Variants in ATRNL1 observed in about 807,000 individuals in gnomAD.
ATRNL1 encodes the protein attractin-like protein 1.
A neutral mutation model predicts 182.7 loss-of-function variants in ATRNL1; 95 were observed. The observed-to-expected ratio is 0.52, with a 90% confidence interval of 0.44 to 0.62. ATRNL1 has a LOEUF of 0.62. ATRNL1 is among the 20% of genes least tolerant of loss of function. The probability of loss-of-function intolerance (pLI) is 0.00; values close to 1 mark genes in which losing one functional copy is unlikely to be tolerated. For missense variants in ATRNL1, 1,471 were observed against 1,679.5 expected, an observed-to-expected ratio of 0.88 and a Z score of 2.17; for synonymous variants, 576 against 568.3, an observed-to-expected ratio of 1.01 and a Z score of -0.19.
intron 24 of ATRNL1, among the ~76,000 whole-genome samples, chr10:115,512,834 G>A (rs928076071): frequency 1.3e-5 from 2 of 151,776 alleles, no homozygotes; most frequent in Non-Finnish European, 2.9e-5. Context: ...AATATTTACG[G>A]TGAGACCTAC....
chr10:115,649,762 T>C (rs528323489), intron 26 of ATRNL1, among the ~76,000 whole-genome samples: 1 of 152,260 alleles, frequency 6.6e-6, no homozygotes, highest in Admixed American at 6.5e-5. Flanking sequence ...TCATAATAAC[T>C]TCAGGAATAA....
At chr10:115,603,834 C>G (rs571183960) in intron 26 of ATRNL1, among the ~76,000 whole-genome samples, 2 of 152,234 alleles carry the variant, frequency 1.3e-5, no homozygotes, top group South Asian at 4.1e-4. Context: ...TTCATTAGTT[C>G]AGATAGGCTG....
intron 27 of ATRNL1, among the ~76,000 whole-genome samples, chr10:115,830,111 GT>G (rs1950526585): frequency 6.6e-6 from 1 of 152,220 alleles, no homozygotes; most frequent in South Asian, 2.1e-4. Flanking sequence ...CATATATGCA[GT>G]TCCTGGTGCA....
chr10:115,599,484 A>G (rs1307174549), intron 26 of ATRNL1, among the ~76,000 whole-genome samples: 1 of 151,882 alleles, frequency 6.6e-6, no homozygotes, highest in Non-Finnish European at 1.5e-5. Flanking sequence ...AAAATTAATA[A>G]TTTTACTGAT....
intron 27 of ATRNL1, among the ~76,000 whole-genome samples, chr10:115,735,496 A>G (rs559084282): frequency 6.6e-6 from 1 of 152,314 alleles, no homozygotes; most frequent in South Asian, 2.1e-4. Flanking sequence ...ACCGAGATAT[A>G]CATACCTATG....
chr10:115,476,736 A>G (rs551224703), intron 24 of ATRNL1, among the ~76,000 whole-genome samples: 14 of 151,056 alleles, frequency 9.3e-5, no homozygotes, highest in African/African-American at 2.9e-4. Flanking sequence ...CTGTATTTTT[A>G]TCTTGCAAAT....
At chr10:115,667,641 A>C (rs1331568392) in intron 26 of ATRNL1, among the ~76,000 whole-genome samples, 1 of 148,144 alleles carries the variant, frequency 6.8e-6, no homozygotes, top group African/African-American at 2.5e-5. Flanking sequence ...ACAACATTAC[A>C]TCTACTGCAT....
At chr10:115,786,526 T>G (rs1225746413) in intron 27 of ATRNL1, among the ~76,000 whole-genome samples, 1 of 152,212 alleles carries the variant, frequency 6.6e-6, no homozygotes, top group Non-Finnish European at 1.5e-5. Context: ...CACATGCACT[T>G]CCTCTTCCTT....
intron 25 of ATRNL1, among the ~76,000 whole-genome samples, chr10:115,539,757 A>C (rs1463635674): frequency 6.6e-6 from 1 of 152,098 alleles, no homozygotes; most frequent in African/African-American, 2.4e-5. Flanking sequence ...TAAGAACCAC[A>C]ATCCCAAGGG....
At chr10:115,329,142 A>G (rs533907278) in intron 18 of ATRNL1, among the ~76,000 whole-genome samples, 1 of 151,914 alleles carries the variant, frequency 6.6e-6, no homozygotes, top group South Asian at 2.1e-4. Flanking sequence ...TGTCAATTTT[A>G]TAATTTACCC....
At chr10:115,620,229 A>T (rs1555022246) in intron 26 of ATRNL1, among the ~76,000 whole-genome samples, 1 of 152,046 alleles carries the variant, frequency 6.6e-6, no homozygotes, top group Non-Finnish European at 1.5e-5. Context: ...TGGGTGGGAG[A>T]GGTCTCAGAC....
intron 24 of ATRNL1, among the ~76,000 whole-genome samples, chr10:115,514,885 C>T (rs910610409): frequency 1.3e-5 from 2 of 151,956 alleles, no homozygotes; most frequent in South Asian, 2.1e-4. Flanking sequence ...TTCCTTTCCC[C>T]ACTTTTGTTG....
intron 27 of ATRNL1, among the ~76,000 whole-genome samples, chr10:115,787,437 G>C (rs1255106769): frequency 3.3e-5 from 5 of 152,022 alleles, no homozygotes; most frequent in African/African-American, 4.8e-5. Context: ...TAGAAGATAT[G>C]TCTATTTTAT....
chr10:115,365,309 G>A (rs9421201), intron 19 of ATRNL1, among the ~76,000 whole-genome samples: 10,847 of 151,328 alleles, frequency 0.072, 1,231 homozygotes, highest in African/African-American at 0.25. Flanking sequence ...TATTTGCATA[G>A]AGGTGTTTGT....
At position 115,286,200 on chromosome 10, in the gene ATRNL1, T is replaced by A. The variant is rs1852604365; in HGVS notation, c.2234-16T>A. On this transcript the variant is annotated splice_polypyrimidine_tract_variant and intron_variant, in intron 14 of 28. Coordinates refer to ENST00000355044, the MANE Select transcript of ATRNL1 (RefSeq NM_207303.4). ...TTTGGTAATCTAACAATAAGACACATTTTTTTTCTTACTAGCTCATCTTTG... is the reference window on the plus strand; with the variant it reads ...TTTGGTAATCTAACAATAAGACACAATTTTTTTCTTACTAGCTCATCTTTG... 2 of 1,357,756 alleles carry A rather than the reference T, an allele frequency of 1.5e-6. No individual in the cohort carries two copies. Among genetic ancestry groups the A allele is most frequent in the African/African-American group, 2.9e-5 (2 of 68,724 alleles). The allele number at this position is 1,357,756 out of a possible 1,614,324, so 84.1% of individuals were successfully genotyped here.
Position 115,886,470 on chromosome 10 carries a change from C to T in ATRNL1, c.4018+38479C>T, listed in dbSNP as rs551646530. ...CGGAGGTTGCAGTGAGCCAAGATCG[C>T]ACCATTGCACTCCAGCCTGGGCAAC... On this transcript the variant is annotated intron_variant, in intron 28 of 28. Transcript: ENST00000355044. 3.3e-5 allele frequency among the ~76,000 whole-genome samples: 5 copies of T among 152,264 alleles called. No individual in the cohort carries two copies. The South Asian group carries it at 1.0e-3, about 32-fold the overall frequency.
At chr10:115,461,399 T>A (rs1847789840) in intron 21 of ATRNL1, among the ~76,000 whole-genome samples, 1 of 152,250 alleles carries the variant, frequency 6.6e-6, no homozygotes, top group Middle Eastern at 3.4e-3. Context: ...TGTAAAATGA[T>A]GTTTATCATA....
In ATRNL1 at chr10:115,274,781, T is replaced by G. The variant is rs76332560; in HGVS notation, c.2100+6337T>G. Among the ~76,000 whole-genome samples, 678 of 152,296 alleles carry G rather than the reference T, an allele frequency of 4.5e-3. 8 individuals carry two copies. Among genetic ancestry groups the G allele is most frequent in the African/African-American group, 0.015 (637 of 41,572 alleles). ...CTTCTGGTGATCTTTACTAACAAAT[T>G]TCAAGAAAGAAGCATTTGCCAGATG... On this transcript the variant is annotated intron_variant, in intron 13 of 28. Coordinates refer to ENST00000355044, the MANE Select transcript of ATRNL1 (RefSeq NM_207303.4).
intron 26 of ATRNL1, among the ~76,000 whole-genome samples, chr10:115,658,167 C>T (rs1860451417): frequency 7.2e-6 from 1 of 138,276 alleles, no homozygotes; most frequent in Non-Finnish European, 1.5e-5. Flanking sequence ...GCAATTTCGG[C>T]TCACTGCAAG....
Sources: gnomAD v4.1 joint callset for allele counts (sites outside exome capture counted in the v4.1 genomes callset) on GRCh38, gnomAD v4.1.1 for gene constraint, MANE v1.5 for transcripts, NCBI Gene and HGNC (gene_info 2026-07-23, HGNC 2026-07-21) for gene names.